The following SLC41A1 variants were observed in gnomAD, a reference collection of about 807,000 sequenced individuals.
The protein encoded by SLC41A1 is solute carrier family 41 member 1, also known as solute carrier family 41 (magnesium transporter), member 1.
SLC41A1 carries 20 observed loss-of-function variants against 47.3 expected under a neutral mutation model. That is an observed-to-expected ratio of 0.42 (90% CI 0.30 to 0.61). SLC41A1 has a LOEUF of 0.61. Among genes scored for constraint, SLC41A1 ranks in the 20% least tolerant of loss-of-function variants. SLC41A1 has a pLI of 0.17. For synonymous variants in SLC41A1, 282 were observed against 272.7 expected (o/e 1.03, Z -0.34); for missense variants, 504 against 674.1 (o/e 0.75, Z 2.79).
intron 8 of SLC41A1, chr1:205,795,732 A>C: frequency 1.7e-6 from 1 of 572,558 alleles, no homozygotes; most frequent in Non-Finnish European, 3.1e-6. Flanking sequence ...CAGCAGTTCC[A>C]TGTTCCCCTG....
chr1:205,796,789 G>A, intron 8 of SLC41A1, 135 bp downstream of exon 8: 3 of 851,834 alleles, frequency 3.5e-6, no homozygotes, highest in Admixed American at 4.0e-5. Context: ...CCTTCATTAA[G>A]GTCTTGAACC....
chr1:205,800,897 C>T, intron 3 of SLC41A1, 56 bp downstream of exon 3: 2 of 1,507,116 alleles, frequency 1.3e-6, no homozygotes, highest in East Asian at 2.3e-5. Flanking sequence ...CAGTCTCTGG[C>T]TCTGTGCTGC....
At position 205,794,975 on chromosome 1, in the gene SLC41A1, GA is replaced by G; in HGVS notation, c.1250del (p.Val417AlafsTer30). 1 of 1,614,076 alleles carries G rather than the reference GA, an allele frequency of 6.2e-7. No homozygotes were observed. The highest frequency in any genetic ancestry group is 8.5e-7 in the Non-Finnish European group (1 of 1,180,008). On this transcript the variant is annotated frameshift_variant, in exon 10 of 11. Coordinates refer to ENST00000367137, the MANE Select transcript of SLC41A1 (RefSeq NM_173854.6). LOFTEE classifies it high-confidence loss of function. Reference protein sequence around the residue: ...RSARVLFLLVVPGHLVFLYTI... With the variant: ...RSARVLFLLVXPGHLVFLYTI... ...TGTAGAGGAACACCAGGTGTCCTGG[GA>G]CCACGAGGAGGAAGAGGACCCGGGC... is the stretch of plus-strand genomic sequence containing the variant.
Position 205,805,390 on chromosome 1 carries a change from A to T in SLC41A1, c.373-4330T>A, listed in dbSNP as rs57880648. On this transcript the variant is annotated intron_variant, in intron 2 of 10. Transcript: ENST00000367137. Reference sequence around the variant, plus strand: ...CCAGCCCAGGAATCAAGGTGGCCTTAAGGTTAGGAGTAGACAGGATGGGCA... The same window carrying T: ...CCAGCCCAGGAATCAAGGTGGCCTTTAGGTTAGGAGTAGACAGGATGGGCA... 7.7e-4 allele frequency among the ~76,000 whole-genome samples: 118 copies of T among 152,296 alleles called. 1 individual carries two copies. The highest frequency in any genetic ancestry group is 2.5e-3 in the African/African-American group (103 of 41,562).
chr1:205,798,472 T>A (rs1253791238), intron 6 of SLC41A1, among the ~76,000 whole-genome samples, 197 bp downstream of exon 6: 1 of 152,208 alleles, frequency 6.6e-6, no homozygotes. Flanking sequence ...CTTCTGATAC[T>A]TTTCCCCTGC....
rs140750630 is a variant in SLC41A1 at position 205,810,076 on chromosome 1, G to A, written c.366C>T (p.Ile122=). 176 of 1,614,170 alleles carry A rather than the reference G, an allele frequency of 1.1e-4. 2 individuals carry two copies. In the South Asian group the frequency reaches 1.1e-3, roughly 10 times the overall value. ...GTVAAGMVLD[I]VQHWEVFQKV... is the part of the protein sequence containing the mutation. ...TGCCCTACTCAGGTCCTACCTGCAC[G>A]ATGTCCAACACCATGCCAGCAGCCA... is the stretch of plus-strand genomic sequence containing the variant. Residue 122 remains isoleucine (I), a synonymous_variant, in exon 2 of 11, where the codon ATC becomes ATT. Transcript: ENST00000367137. This position sits in a 1 kb window ranked among gnomAD's most constrained non-coding sequence, Gnocchi z 5.5.
At chr1:205,798,559 C>A in intron 6 of SLC41A1, 110 bp downstream of exon 6, 2 of 1,517,952 alleles carry the variant, frequency 1.3e-6, no homozygotes, top group South Asian at 2.3e-5. Flanking sequence ...AACCTGTGTT[C>A]AAACCAAATA....
At position 205,810,167 on chromosome 1, in the gene SLC41A1, T is replaced by C; in HGVS notation, c.275A>G (p.Lys92Arg). ...DRGPAPPSPL[K>R]ETSFSIGLQV... Reference sequence around the variant, plus strand: ...CAGCCCGATGGAAAAGGAGGTCTCCTTGAGCGGGGAAGGTGGCGCAGGGCC... The same window carrying C: ...CAGCCCGATGGAAAAGGAGGTCTCCCTGAGCGGGGAAGGTGGCGCAGGGCC... Residue 92 changes from lysine to arginine, a missense_variant, in exon 2 of 11, where the codon AAG becomes AGG. By Grantham distance (26) the Lys-to-Arg change is conservative. Coordinates refer to ENST00000367137, the MANE Select transcript of SLC41A1 (RefSeq NM_173854.6). This position sits in a 1 kb window ranked among gnomAD's most constrained non-coding sequence, Gnocchi z 5.5. 1 of 1,614,214 alleles carries C rather than the reference T, an allele frequency of 6.2e-7. No homozygotes were observed. The highest frequency in any genetic ancestry group is 8.5e-7 in the Non-Finnish European group (1 of 1,180,036).
At chr1:205,809,735 C>T (rs1249436992) in intron 2 of SLC41A1, among the ~76,000 whole-genome samples, 1 of 152,098 alleles carries the variant, frequency 6.6e-6, no homozygotes, top group African/African-American at 2.4e-5. Context: ...TTGTAAATGT[C>T]TCCTACTGAG....
intron 2 of SLC41A1, among the ~76,000 whole-genome samples, chr1:205,803,632 CTTTTT>C (rs140199204): frequency 2.1e-4 from 26 of 121,042 alleles, no homozygotes; most frequent in South Asian, 8.1e-4. Flanking sequence ...TAGTCAAATT[CTTTTT>C]TTTTTTTTTT....
chr1:205,802,523 C>T (rs1277182159), intron 2 of SLC41A1, among the ~76,000 whole-genome samples: 2 of 151,914 alleles, frequency 1.3e-5, no homozygotes, highest in Admixed American at 1.3e-4. Flanking sequence ...TTGAGACCAG[C>T]CTGACCAACA....
intron 3 of SLC41A1, 92 bp from the exon 4 acceptor site, chr1:205,799,922 C>T: frequency 3.7e-6 from 4 of 1,093,370 alleles, no homozygotes; most frequent in African/African-American, 3.1e-5. Flanking sequence ...TGAGGCAGTA[C>T]ATGTGGCCTA....
At chr1:205,799,629 C>T in intron 4 of SLC41A1, 130 bp downstream of exon 4, 1 of 1,039,032 alleles carries the variant, frequency 9.6e-7, no homozygotes, top group South Asian at 1.4e-5. Context: ...CCTAGAGCTA[C>T]TCTGGGGGAA....
rs765413008 is a variant in SLC41A1, at chr1:205,791,491, A to G, written c.*42T>C. 5.6e-6 allele frequency: 9 copies of G among 1,613,506 alleles called. No homozygotes were observed. The South Asian group carries it at 9.9e-5, about 18-fold the overall frequency. On this transcript the variant is annotated 3_prime_UTR_variant, in exon 11 of 11. Transcript: ENST00000367137. The surrounding 1 kb of genome is among the most constrained non-coding windows in gnomAD (Gnocchi z 4.0). ...CAGGGGAACAAAAGAAAAATTTCAA[A>G]TAGAAAGTGCAGAGGGATGGGGAAA... is the stretch of plus-strand genomic sequence containing the variant.
intron 2 of SLC41A1, among the ~76,000 whole-genome samples, chr1:205,807,949 G>A (rs1656053612): frequency 1.3e-5 from 2 of 151,066 alleles, no homozygotes; most frequent in South Asian, 4.2e-4. Context: ...AAGCCACCAT[G>A]CCCAGCCAGA....
At position 205,800,846 on chromosome 1, in the gene SLC41A1, C is replaced by T. The variant is rs112082344; in HGVS notation, c.480+107G>A. 1.8e-4 allele frequency: 194 copies of T among 1,074,664 alleles called. No individual in the cohort carries two copies. In the African/African-American group the frequency reaches 2.4e-3, roughly 13 times the overall value. 66.6% of individuals were successfully genotyped at this position (1,074,664 alleles called of 1,614,324 possible). ...CCTCCCTTCCCACCCCAGCCCCACA[C>T]TCCAGGCCTGGGCAGTGGAGAAGGG... On this transcript the variant is annotated intron_variant, in intron 3 of 10. Coordinates refer to ENST00000367137, the MANE Select transcript of SLC41A1 (RefSeq NM_173854.6).
At chr1:205,809,955 A>G (rs1656106617) in intron 2 of SLC41A1, 115 bp downstream of exon 2, 1 of 1,453,548 alleles carries the variant, frequency 6.9e-7, no homozygotes, top group African/African-American at 1.4e-5. Flanking sequence ...GGAAAACAGT[A>G]TTCTAGGAAG....
At chr1:205,797,323 A>G (rs1399774363) in intron 7 of SLC41A1, among the ~76,000 whole-genome samples, 1 of 152,224 alleles carries the variant, frequency 6.6e-6, no homozygotes, top group Admixed American at 6.5e-5. Flanking sequence ...CTGCCCACTC[A>G]GCATTTACTT....
chr1:205,803,577 T>G (rs550171535), intron 2 of SLC41A1, among the ~76,000 whole-genome samples: 1 of 151,748 alleles, frequency 6.6e-6, no homozygotes, highest in Admixed American at 6.6e-5. Context: ...AAACACTGTA[T>G]GATAAAACAC....
Sources: allele counts gnomAD v4.1 joint callset (sites outside exome capture counted in the v4.1 genomes callset), GRCh38; gene constraint gnomAD v4.1.1; non-coding constraint Gnocchi (gnomAD v3.1); transcripts MANE v1.5; gene names NCBI Gene and HGNC (gene_info 2026-07-23, HGNC 2026-07-21).